KIAA1958: variants seen among roughly 807,000 people sequenced by gnomAD.
The protein encoded by KIAA1958 is uncharacterized protein KIAA1958.
KIAA1958 carries 14 observed loss-of-function variants against 47.2 expected under a neutral mutation model. The observed-to-expected ratio is 0.30, with a 90% confidence interval of 0.20 to 0.46. KIAA1958 has a LOEUF of 0.46. Among genes scored for constraint, KIAA1958 ranks in the 20% least tolerant of loss-of-function variants. The pLI is 1.00. For missense variants in KIAA1958, 803 were observed against 909.2 expected (o/e 0.88, Z 1.50); for synonymous variants, 354 against 353.3 (o/e 1.00, Z -0.02).
At chr9:112,490,424 AGT>A (rs1480277452) in intron 1 of KIAA1958, among the ~76,000 whole-genome samples, 1 of 152,178 alleles carries the variant, frequency 6.6e-6, no homozygotes, top group Non-Finnish European at 1.5e-5. Flanking sequence ...GCTTCTGATT[AGT>A]TGATTTATGG....
chr9:112,605,837 A>G (rs1028165378), intron 2 of KIAA1958, among the ~76,000 whole-genome samples: 4 of 152,216 alleles, frequency 2.6e-5, no homozygotes, highest in South Asian at 2.1e-4. Flanking sequence ...AGATATTTTT[A>G]GAGAGGACTT....
rs1337090793 is a variant in KIAA1958 at position 112,509,118 on chromosome 9, T to TCTC, written c.-25+22000_-25+22001insCTC. The stretch of plus-strand genomic sequence containing the variant: ...TTTTTGTCAGTGTTAGAATAGTGTA[T>TCTC]GGAGAAAGCTTATCACAGAGAAGTT... On this transcript the variant is annotated intron_variant, in intron 1 of 3. Transcript: ENST00000337530. Among the ~76,000 whole-genome samples, 463 of 151,888 alleles carry TCTC rather than the reference T, an allele frequency of 3.0e-3. 5 individuals are homozygous for TCTC. Among genetic ancestry groups the TCTC allele is most frequent in the Middle Eastern group, 0.014 (4 of 294 alleles).
chr9:112,551,554 T>G (rs1251325468), intron 1 of KIAA1958, among the ~76,000 whole-genome samples: 1 of 152,252 alleles, frequency 6.6e-6, no homozygotes, highest in East Asian at 1.9e-4. Context: ...AAAAGTTACA[T>G]AATTGAAACT....
At chr9:112,569,062 A>G (rs1313009452) in intron 1 of KIAA1958, among the ~76,000 whole-genome samples, 1 of 150,268 alleles carries the variant, frequency 6.7e-6, no homozygotes, top group African/African-American at 2.4e-5. Context: ...CATTAACTGT[A>G]TTTTGAAGTG....
intron 2 of KIAA1958, among the ~76,000 whole-genome samples, chr9:112,582,748 A>G (rs890818302): frequency 2.0e-5 from 3 of 152,024 alleles, no homozygotes; most frequent in Non-Finnish European, 4.4e-5. Flanking sequence ...AGACAAAAAA[A>G]CCGAATCCAT....
intron 1 of KIAA1958, among the ~76,000 whole-genome samples, chr9:112,567,147 A>G (rs537037677): frequency 4.6e-5 from 7 of 152,292 alleles, no homozygotes; most frequent in African/African-American, 1.7e-4. Context: ...GGAGGAATGT[A>G]TTATTTTGTG....
At chr9:112,505,933 A>G (rs904209391) in intron 1 of KIAA1958, among the ~76,000 whole-genome samples, 40 of 152,330 alleles carry the variant, frequency 2.6e-4, no homozygotes, top group Admixed American at 2.1e-3. Context: ...CAAACAGAGA[A>G]CGATGCGTAT....
chr9:112,501,372 G>A (rs1834135175), intron 1 of KIAA1958, among the ~76,000 whole-genome samples: 2 of 152,032 alleles, frequency 1.3e-5, no homozygotes, highest in Admixed American at 6.6e-5. Flanking sequence ...GAGCCCAGGA[G>A]TTCAAGGCCA....
chr9:112,632,233 A>G (rs1836722876), intron 2 of KIAA1958, among the ~76,000 whole-genome samples: 1 of 152,054 alleles, frequency 6.6e-6, no homozygotes, highest in African/African-American at 2.4e-5. Flanking sequence ...TGCTATGCAT[A>G]TTGTCCTAGA....
chr9:112,496,689 A>C (rs986018613), intron 1 of KIAA1958, among the ~76,000 whole-genome samples: 5 of 151,662 alleles, frequency 3.3e-5, no homozygotes, highest in African/African-American at 1.2e-4. Context: ...TTTGATTTGG[A>C]TTCTAGTCCA....
chr9:112,547,836 A>G (rs187532119), intron 1 of KIAA1958, among the ~76,000 whole-genome samples: 121 of 152,148 alleles, frequency 8.0e-4, no homozygotes, highest in Non-Finnish European at 1.4e-3. Flanking sequence ...AAACATTTAC[A>G]ATCTATTCTC....
intron 2 of KIAA1958, among the ~76,000 whole-genome samples, chr9:112,626,815 ATT>A (rs1258904110): frequency 9.0e-5 from 12 of 133,388 alleles, no homozygotes; most frequent in African/African-American, 3.0e-4. Flanking sequence ...TTTATAAAGC[ATT>A]TGTTACAAAA....
chr9:112,574,922 T>C lies in KIAA1958; in HGVS notation c.842T>C (p.Val281Ala). ...CCCTCTGTGATCTCCAGACCAATTG[T>C]CCAGAAGACTGCTAGGGTATCTCTG... ...ASPSVISRPI[V>A]QKTARVSLAS... is the part of the protein sequence containing the mutation. Residue 281 changes from valine to alanine, a missense_variant, in exon 2 of 4, where the codon GTC becomes GCC. Coordinates refer to ENST00000337530, the MANE Select transcript of KIAA1958 (RefSeq NM_133465.4). The C allele has an allele frequency of 6.2e-7, 1 of 1,614,036 alleles. No homozygotes were observed. The highest frequency in any genetic ancestry group is 8.5e-7 in the Non-Finnish European group (1 of 1,179,980).
chr9:112,580,153 C>T (rs1835712728), intron 2 of KIAA1958, among the ~76,000 whole-genome samples: 1 of 152,144 alleles, frequency 6.6e-6, no homozygotes, highest in African/African-American at 2.4e-5. Context: ...CCTACACAAA[C>T]TACATAGCTG....
At position 112,574,172 on chromosome 9, in the gene KIAA1958, A is replaced by T. The variant is rs1835589185; in HGVS notation, c.92A>T (p.Asn31Ile). The T allele has an allele frequency of 6.2e-7, 1 of 1,613,944 alleles. No individual in the cohort carries two copies. The highest frequency in any genetic ancestry group is 8.5e-7 in the Non-Finnish European group (1 of 1,179,986). ...SHGTICSLIP[N>I]LKHLLSEGSH... ...GGGACTATTTGCAGCCTCATTCCAA[A>T]CCTGAAACACTTGCTTTCTGAAGGT... The change falls in exon 2 of 4, where the codon AAC becomes ATC. Residue 31 changes from asparagine (N) to isoleucine (I), a missense_variant. This residue lies in a region of KIAA1958 where 42 missense variants were observed against 79.9 expected (regional missense o/e 0.53). Transcript: ENST00000337530.
intron 1 of KIAA1958, among the ~76,000 whole-genome samples, chr9:112,487,389 C>T (rs1404681223): frequency 1.3e-5 from 2 of 151,790 alleles, no homozygotes; most frequent in African/African-American, 2.4e-5. Context: ...GTCCGCCTGC[C>T]CCGGGCCGCC....
At chr9:112,489,581 T>C (rs1833927884) in intron 1 of KIAA1958, among the ~76,000 whole-genome samples, 2 of 152,140 alleles carry the variant, frequency 1.3e-5, no homozygotes, top group Non-Finnish European at 2.9e-5. Flanking sequence ...TTACATATTT[T>C]CAGCTGATTT....
intron 1 of KIAA1958, among the ~76,000 whole-genome samples, chr9:112,552,756 G>A (rs1414460729): frequency 6.6e-6 from 1 of 152,168 alleles, no homozygotes; most frequent in Non-Finnish European, 1.5e-5. Flanking sequence ...TACAGCTCAG[G>A]AAGCGAGAGG....
intron 1 of KIAA1958, among the ~76,000 whole-genome samples, chr9:112,543,843 G>A (rs1210267187): frequency 2.6e-5 from 4 of 152,140 alleles, no homozygotes; most frequent in Admixed American, 6.6e-5. Flanking sequence ...ACAGTTCTGA[G>A]CTTCTTAAAG....
Sources: gnomAD v4.1 joint callset for allele counts (sites outside exome capture counted in the v4.1 genomes callset) on GRCh38, gnomAD v4.1.1 for gene constraint, gnomAD v4.1.1 regional missense constraint, MANE v1.5 for transcripts, NCBI Gene and HGNC (gene_info 2026-07-23, HGNC 2026-07-21) for gene names.